Variants in PTPRJ observed in about 807,000 individuals in gnomAD.
The protein encoded by PTPRJ is receptor-type tyrosine-protein phosphatase eta.
In PTPRJ, 129 loss-of-function variants were observed where a neutral mutation model predicts 141.3. The observed-to-expected ratio is 0.91, with a 90% CI of 0.79 to 1.06. The LOEUF (loss-of-function observed/expected upper bound fraction) is 1.06. Ranked by LOEUF, PTPRJ falls within the 50% of genes least tolerant of loss-of-function variation. The probability of loss-of-function intolerance (pLI) is 0.00; values close to 1 mark genes in which losing one functional copy is unlikely to be tolerated. For missense variants in PTPRJ, 1,601 were observed against 1,679.7 expected, an observed-to-expected ratio of 0.95 and a Z score of 0.82; for synonymous variants, 610 against 640.5, an observed-to-expected ratio of 0.95 and a Z score of 0.72.
intron 6 of PTPRJ, among the ~76,000 whole-genome samples, chr11:48,126,913 T>C (rs1256876425): frequency 6.6e-6 from 1 of 151,584 alleles, no homozygotes; most frequent in Non-Finnish European, 1.5e-5. Context: ...TCAGAGGACA[T>C]TGTTGAGGCA....
chr11:48,081,353 G>A (rs1348502451), intron 1 of PTPRJ, among the ~76,000 whole-genome samples: 1 of 152,188 alleles, frequency 6.6e-6, no homozygotes, highest in Non-Finnish European at 1.5e-5. Context: ...GAATGTGCTG[G>A]CCAGTCAGGC....
chr11:48,038,419 T>A (rs890729464), intron 1 of PTPRJ, among the ~76,000 whole-genome samples: 1 of 150,898 alleles, frequency 6.6e-6, no homozygotes, highest in Non-Finnish European at 1.5e-5. Flanking sequence ...TACTTTGGAG[T>A]TTTTTTTCTG....
rs1408885099 is a variant in PTPRJ at position 48,147,208 on chromosome 11, G to T, written c.2999+245G>T. On this transcript the variant is annotated intron_variant, in intron 15 of 24. Transcript: ENST00000418331. ...ACAGTGTGGGATGCTACTTTCAAATGATATGTTCTTGTTTACAAGTCAGTT... is the reference window on the plus strand; with the variant it reads ...ACAGTGTGGGATGCTACTTTCAAATTATATGTTCTTGTTTACAAGTCAGTT... 2.0e-5 allele frequency among the ~76,000 whole-genome samples: 3 copies of T among 152,284 alleles called. No homozygotes were observed. In the East Asian group the frequency reaches 5.8e-4, roughly 29 times the overall value.
chr11:47,986,675 T>C (rs1310159292), intron 1 of PTPRJ, among the ~76,000 whole-genome samples: 2 of 152,178 alleles, frequency 1.3e-5, no homozygotes, highest in African/African-American at 2.4e-5. Context: ...CTCCGTCATG[T>C]CTGGCTAGTT....
rs935106246 is a variant in PTPRJ, at chr11:48,169,147, C to T, written c.*1785C>T. 1.3e-5 allele frequency: 2 copies of T among 152,140 alleles called. No individual in the cohort carries two copies. Among genetic ancestry groups the T allele is most frequent in the African/African-American group, 4.8e-5 (2 of 41,436 alleles). The allele number at this position is 152,140 out of a possible 1,614,324, so 9.4% of individuals were successfully genotyped here. ...TAAAGGGTGAACCACACTTTTAAAG[C>T]CCCGGCTGTGGTTCGGAGGGTTAGT... On this transcript the variant is annotated 3_prime_UTR_variant, in exon 25 of 25. Coordinates refer to ENST00000418331, the MANE Select transcript of PTPRJ (RefSeq NM_002843.4).
intron 2 of PTPRJ, among the ~76,000 whole-genome samples, 195 bp downstream of exon 2, chr11:48,110,271 A>T (rs925175094): frequency 1.6e-4 from 25 of 151,892 alleles, no homozygotes; most frequent in African/African-American, 6.0e-4. Context: ...CAGTGGTGCC[A>T]TCTCGGCTCA....
At chr11:48,118,919 C>T (rs1856633105) in intron 3 of PTPRJ, among the ~76,000 whole-genome samples, 2 of 147,406 alleles carry the variant, frequency 1.4e-5, no homozygotes, top group Admixed American at 7.1e-5. Flanking sequence ...ACTTGGGAGG[C>T]TGAGGCAGGA....
Position 48,139,701 on chromosome 11 carries a change from A to G in PTPRJ, c.2368A>G (p.Asn790Asp). The G allele has an allele frequency of 6.2e-7, 1 of 1,614,108 alleles. No homozygotes were observed. The highest frequency in any genetic ancestry group is 1.1e-5 in the South Asian group (1 of 91,086). Residue 790 changes from asparagine (N) to aspartate (D), a missense_variant, in exon 11 of 25, where the codon AAC (asparagine) becomes GAC (aspartate). Asn to Asp is a conservative substitution (Grantham distance 23). Transcript: ENST00000418331. ...GTATTTGAATTTTTCTACCTCGTACAACATCAGCATCACCACTGTGTCCTG... is the reference window on the plus strand; with the variant it reads ...GTATTTGAATTTTTCTACCTCGTACGACATCAGCATCACCACTGTGTCCTG... ...VTYLNFSTSYNISITTVSCGK... is the reference protein window; with the variant it reads ...VTYLNFSTSYDISITTVSCGK...
At chr11:48,092,186 T>G (rs1156525127) in intron 1 of PTPRJ, among the ~76,000 whole-genome samples, 2 of 145,712 alleles carry the variant, frequency 1.4e-5, no homozygotes, top group East Asian at 4.2e-4. Context: ...TCCCAGCTAC[T>G]CAGTAGGCTG....
chr11:47,980,571 A>G lies in PTPRJ; in HGVS notation c.-342A>G. On this transcript the variant is annotated 5_prime_UTR_variant, in exon 1 of 25. An upstream start codon of the reference 5' UTR is lost. Coordinates refer to ENST00000418331, the MANE Select transcript of PTPRJ (RefSeq NM_002843.4). ...GGCTCCCTGCAGCAGCCCCAGCCGC[A>G]TGACGCGCGGAGGAGGCAGCGGGAG... 4 of 982,752 alleles carry G rather than the reference A, an allele frequency of 4.1e-6. No homozygotes were observed. The highest frequency in any genetic ancestry group is 5.2e-4 in the Middle Eastern group (1 of 1,912). 60.9% of individuals were successfully genotyped at this position (982,752 alleles called of 1,614,324 possible). A position where few individuals can be genotyped will look rare whatever the true frequency, so the allele number is the denominator to read the frequency against.
intron 1 of PTPRJ, among the ~76,000 whole-genome samples, chr11:48,107,323 A>C (rs538084162): frequency 6.6e-6 from 1 of 152,196 alleles, no homozygotes; most frequent in Admixed American, 6.5e-5. Context: ...AACTAGAACC[A>C]TCTCTAGGGC....
intron 6 of PTPRJ, among the ~76,000 whole-genome samples, chr11:48,125,482 G>A (rs529568925): frequency 2.0e-5 from 3 of 152,294 alleles, no homozygotes; most frequent in Admixed American, 6.5e-5. Flanking sequence ...AGACAAACTG[G>A]CATCATACTT....
At chr11:48,040,609 C>CTTTTTTTTTT (rs371103069) in intron 1 of PTPRJ, among the ~76,000 whole-genome samples, 6 of 146,038 alleles carry the variant, frequency 4.1e-5, no homozygotes, top group African/African-American at 1.6e-4. Flanking sequence ...TCTTCTTCTT[C>CTTTTTTTTTT]TTCTTTTTTT....
intron 1 of PTPRJ, among the ~76,000 whole-genome samples, chr11:48,031,084 T>C (rs1487443463): frequency 6.6e-6 from 1 of 152,234 alleles, no homozygotes; most frequent in East Asian, 1.9e-4. Flanking sequence ...TGCTCACCTC[T>C]AACCAAAGAG....
intron 2 of PTPRJ, among the ~76,000 whole-genome samples, chr11:48,110,334 G>A (rs563893055): frequency 1.3e-5 from 2 of 152,254 alleles, no homozygotes; most frequent in East Asian, 3.9e-4. Flanking sequence ...AGCCTAGCAA[G>A]TAGCTGGGAT....
intron 1 of PTPRJ, among the ~76,000 whole-genome samples, chr11:48,094,977 A>G (rs545118917): frequency 7.9e-4 from 121 of 152,260 alleles, no homozygotes; most frequent in African/African-American, 2.8e-3. Flanking sequence ...GAGCCGGGCC[A>G]TGGTCGGAGA....
At chr11:48,092,966 T>C (rs552029153) in intron 1 of PTPRJ, among the ~76,000 whole-genome samples, 6 of 152,254 alleles carry the variant, frequency 3.9e-5, no homozygotes, top group Non-Finnish European at 8.8e-5. Context: ...TATATGAGCG[T>C]TGAATATTAT....
chr11:48,133,079 G>C (rs1361302353), intron 8 of PTPRJ, among the ~76,000 whole-genome samples: 1 of 152,204 alleles, frequency 6.6e-6, no homozygotes, highest in East Asian at 1.9e-4. Context: ...GCGAAGTGCT[G>C]AGTGCTCTCA....
intron 1 of PTPRJ, among the ~76,000 whole-genome samples, chr11:48,105,706 T>C (rs1856271958): frequency 6.6e-6 from 1 of 152,112 alleles, no homozygotes; most frequent in Non-Finnish European, 1.5e-5. Context: ...GGGCTTTCAG[T>C]GGTGATGTGT....
Sources: allele counts gnomAD v4.1 joint callset (sites outside exome capture counted in the v4.1 genomes callset), GRCh38; gene constraint gnomAD v4.1.1; transcripts MANE v1.5; gene names NCBI Gene and HGNC (gene_info 2026-07-23, HGNC 2026-07-21).